The following MAGI2 variants were observed in gnomAD, a reference collection of about 807,000 sequenced individuals.
MAGI2 encodes membrane associated guanylate kinase, WW and PDZ domain containing 2, also known as membrane-associated guanylate kinase, WW and PDZ domain-containing protein 2.
A neutral mutation model predicts 133.3 loss-of-function variants in MAGI2; 35 were observed. The observed-to-expected ratio is 0.26, with a 90% CI of 0.20 to 0.35. The LOEUF (loss-of-function observed/expected upper bound fraction) is 0.35. MAGI2 is among the 10% of genes least tolerant of loss of function. MAGI2 has a pLI of 1.00. For missense variants in MAGI2, 1,636 were observed against 1,863.4 expected (o/e 0.88, Z 2.25); for synonymous variants, 729 against 710.6 (o/e 1.03, Z -0.41).
chr7:79,104,583 C>T (rs371968898), intron 1 of MAGI2, among the ~76,000 whole-genome samples: 26 of 152,214 alleles, frequency 1.7e-4, no homozygotes, highest in African/African-American at 6.3e-4. Flanking sequence ...AGGAGAATCG[C>T]TTGAACCTGG....
chr7:78,792,603 T>C (rs1054812074), intron 2 of MAGI2, among the ~76,000 whole-genome samples: 10 of 152,222 alleles, frequency 6.6e-5, no homozygotes, highest in African/African-American at 2.4e-4. Flanking sequence ...AAGTACAGAT[T>C]GAGAGTTCCT....
At chr7:78,142,938 A>G (rs1186792220) in intron 16 of MAGI2, among the ~76,000 whole-genome samples, 1 of 152,202 alleles carries the variant, frequency 6.6e-6, no homozygotes, top group African/African-American at 2.4e-5. Context: ...ACTAGCAAGG[A>G]TATCTTTTTT....
intron 6 of MAGI2, among the ~76,000 whole-genome samples, chr7:78,371,020 T>C (rs1156665): frequency 0.82 from 124,842 of 151,826 alleles, 51,448 homozygotes; most frequent in Admixed American, 0.86. Flanking sequence ...CTCATTTTAT[T>C]ATGCCAGCAA....
chr7:78,932,193 C>T (rs1180543210), intron 2 of MAGI2, among the ~76,000 whole-genome samples: 1 of 152,052 alleles, frequency 6.6e-6, no homozygotes, highest in Non-Finnish European at 1.5e-5. Context: ...CCCACAATGC[C>T]TCACATGTGG....
chr7:79,027,912 G>T (rs2116766285), intron 1 of MAGI2, among the ~76,000 whole-genome samples: 1 of 152,000 alleles, frequency 6.6e-6, no homozygotes, highest in Admixed American at 6.6e-5. Context: ...GATTTTTATT[G>T]CTTTGGCAGC....
intron 11 of MAGI2, among the ~76,000 whole-genome samples, chr7:78,200,095 G>C (rs1043859212): frequency 6.6e-6 from 1 of 152,216 alleles, no homozygotes; most frequent in Non-Finnish European, 1.5e-5. Context: ...TAAGTGATTT[G>C]CTAAGCTTAA....
chr7:78,202,634 G>A (rs535801134), intron 10 of MAGI2, among the ~76,000 whole-genome samples: 33 of 124,012 alleles, frequency 2.7e-4, no homozygotes, highest in Non-Finnish European at 4.2e-4. Flanking sequence ...AGTGAGCCAA[G>A]ATCCCGCCAC....
chr7:78,429,509 G>A (rs1799593519), intron 6 of MAGI2, among the ~76,000 whole-genome samples: 1 of 152,006 alleles, frequency 6.6e-6, no homozygotes, highest in African/African-American at 2.4e-5. Context: ...GAAGCTAATA[G>A]ACTGATAAAG....
At chr7:79,325,825 T>G (rs150278584) in intron 1 of MAGI2, among the ~76,000 whole-genome samples, 26 of 152,310 alleles carry the variant, frequency 1.7e-4, no homozygotes, top group African/African-American at 6.3e-4. Flanking sequence ...GCATTATTTT[T>G]AAAGGCCATT....
chr7:78,729,329 G>T (rs1401270342), intron 2 of MAGI2, among the ~76,000 whole-genome samples: 2 of 152,108 alleles, frequency 1.3e-5, no homozygotes, highest in African/African-American at 4.8e-5. Flanking sequence ...TTCTTCAAAG[G>T]GTTAGACTGG....
chr7:78,383,716 T>C (rs915927516), intron 6 of MAGI2, among the ~76,000 whole-genome samples: 12 of 152,114 alleles, frequency 7.9e-5, no homozygotes, highest in African/African-American at 2.9e-4. Flanking sequence ...TTCCTTTTAA[T>C]ATCTTTATGG....
chr7:79,088,251 G>A (rs990587068), intron 1 of MAGI2, among the ~76,000 whole-genome samples: 9 of 151,986 alleles, frequency 5.9e-5, no homozygotes, highest in Admixed American at 1.3e-4. Flanking sequence ...GTATTCCTAG[G>A]TATTTTATTC....
intron 1 of MAGI2, among the ~76,000 whole-genome samples, chr7:79,311,371 G>A (rs58778670): frequency 0.017 from 2,513 of 152,112 alleles, 61 homozygotes; most frequent in African/African-American, 0.059. Context: ...TTCTCATAGC[G>A]TTTTAAGAAA....
intron 1 of MAGI2, among the ~76,000 whole-genome samples, chr7:79,038,438 T>G (rs1178063232): frequency 6.6e-6 from 1 of 152,200 alleles, no homozygotes; most frequent in Non-Finnish European, 1.5e-5. Flanking sequence ...CCCTTTTTTA[T>G]GGCCAATAGA....
chr7:79,087,377 T>C (rs540409025), intron 1 of MAGI2, among the ~76,000 whole-genome samples: 27 of 152,070 alleles, frequency 1.8e-4, no homozygotes, highest in Admixed American at 7.9e-4. Flanking sequence ...TTTTAAGATT[T>C]CTTAAAATCA....
At chr7:79,174,524 T>C (rs1455791673) in intron 1 of MAGI2, among the ~76,000 whole-genome samples, 1 of 151,866 alleles carries the variant, frequency 6.6e-6, no homozygotes, top group Non-Finnish European at 1.5e-5. Context: ...TAAAGAAACG[T>C]ATACCCTTCA....
At chr7:78,334,084 T>G (rs181743426) in intron 9 of MAGI2, among the ~76,000 whole-genome samples, 1 of 152,228 alleles carries the variant, frequency 6.6e-6, no homozygotes, top group Admixed American at 6.5e-5. Context: ...TTCAAATGAC[T>G]TCTTAGGCTT....
chr7:79,339,458 G>GTTTTT (rs1474615393), intron 1 of MAGI2, among the ~76,000 whole-genome samples: 4 of 103,390 alleles, frequency 3.9e-5, no homozygotes, highest in African/African-American at 2.2e-4. Context: ...GTTTGTTTTT[G>GTTTTT]TTTTTGTTTT....
At chr7:78,070,642 ATAT>A (rs1563081786) in intron 21 of MAGI2, among the ~76,000 whole-genome samples, 1 of 94,034 alleles carries the variant, frequency 1.1e-5, no homozygotes, top group East Asian at 5.5e-4. Context: ...ATATATATAT[ATAT>A]TTTTTTTTTT....
Sources: allele counts gnomAD v4.1 joint callset (sites outside exome capture counted in the v4.1 genomes callset), GRCh38; gene constraint gnomAD v4.1.1; transcripts MANE v1.5; gene names NCBI Gene and HGNC (gene_info 2026-07-23, HGNC 2026-07-21).